DCLK2: variants seen among roughly 807,000 people sequenced by gnomAD.
DCLK2 encodes doublecortin like kinase 2.
DCLK2 carries 31 observed loss-of-function variants against 78.4 expected under a neutral mutation model. That is an observed-to-expected ratio of 0.40 (90% CI 0.30 to 0.53). The LOEUF is 0.53. Ranked by LOEUF, DCLK2 falls within the 20% of genes least tolerant of loss-of-function variation. The pLI is 0.61. For synonymous variants in DCLK2, 407 were observed against 374.9 expected, an observed-to-expected ratio of 1.09 and a Z score of -0.99; for missense variants, 872 against 973.7, an observed-to-expected ratio of 0.90 and a Z score of 1.39.
intron 7 of DCLK2, among the ~76,000 whole-genome samples, chr4:150,223,252 T>C (rs1741333782): frequency 1.3e-5 from 2 of 152,202 alleles, no homozygotes; most frequent in Admixed American, 1.3e-4. Context: ...GTTTTTGTTA[T>C]AGGGAGAACA....
chr4:150,119,876 T>C (rs773206965), intron 2 of DCLK2, among the ~76,000 whole-genome samples: 6 of 152,226 alleles, frequency 3.9e-5, no homozygotes, highest in Non-Finnish European at 7.3e-5. Context: ...TTTGCCTCTA[T>C]GCCAAAAGCC....
At position 150,078,836 on chromosome 4, in the gene DCLK2, A is replaced by T. The variant is rs905268779; in HGVS notation, c.-192A>T. 1.6e-6 allele frequency: 1 copy of T among 615,744 alleles called. No homozygotes were observed. Among genetic ancestry groups the T allele is most frequent in the Non-Finnish European group, 2.6e-6 (1 of 391,514 alleles). The allele number at this position is 615,744 out of a possible 1,614,324, so 38.1% of individuals were successfully genotyped here. ...ACCTGGGCAGCTCGGCGCTGCGGAC[A>T]CTTTTAGCTGAGGGCGCGGGCGGGT... On this transcript the variant is annotated 5_prime_UTR_variant, in exon 1 of 16. Coordinates refer to ENST00000296550, the MANE Select transcript of DCLK2 (RefSeq NM_001040260.4).
chr4:150,224,821 A>G (rs1449153957), intron 8 of DCLK2, among the ~76,000 whole-genome samples: 1 of 152,210 alleles, frequency 6.6e-6, no homozygotes, highest in African/African-American at 2.4e-5. Flanking sequence ...TTAACACCCA[A>G]CAATACTCAA....
At chr4:150,177,623 A>G (rs1234895044) in intron 2 of DCLK2, among the ~76,000 whole-genome samples, 1 of 152,260 alleles carries the variant, frequency 6.6e-6, no homozygotes, top group South Asian at 2.1e-4. Flanking sequence ...TGATAGAATT[A>G]TCTTTCAAAA....
chr4:150,175,174 T>C (rs9884876), intron 2 of DCLK2, among the ~76,000 whole-genome samples: 1 of 131,730 alleles, frequency 7.6e-6, no homozygotes, highest in Non-Finnish European at 1.6e-5. Flanking sequence ...TTATATATAT[T>C]TATATATATT....
At chr4:150,114,501 G>A (rs1731929790) in intron 2 of DCLK2, among the ~76,000 whole-genome samples, 1 of 152,154 alleles carries the variant, frequency 6.6e-6, no homozygotes, top group South Asian at 2.1e-4. Context: ...TAGGCCCTGT[G>A]AGTTTTATGC....
chr4:150,083,698 A>G (rs75044128), intron 1 of DCLK2, among the ~76,000 whole-genome samples: 5,923 of 152,316 alleles, frequency 0.039, 240 homozygotes, highest in Admixed American at 0.084. Flanking sequence ...ATTTGCACAT[A>G]GGAGTCGAAA....
intron 2 of DCLK2, among the ~76,000 whole-genome samples, chr4:150,121,579 G>A (rs2150182863): frequency 6.6e-6 from 1 of 152,296 alleles, no homozygotes. Context: ...TCATTCATCA[G>A]GGTTGGTATC....
intron 5 of DCLK2, among the ~76,000 whole-genome samples, chr4:150,216,213 C>G (rs1740707908): frequency 6.6e-6 from 1 of 152,216 alleles, no homozygotes; most frequent in Non-Finnish European, 1.5e-5. Context: ...ACATAACTCC[C>G]TGGCTAAAAA....
At chr4:150,219,258 CTTTTT>C (rs375592229) in intron 5 of DCLK2, among the ~76,000 whole-genome samples, 7 of 72,136 alleles carry the variant, frequency 9.7e-5, no homozygotes, top group African/African-American at 3.7e-4. Context: ...CACAAACATT[CTTTTT>C]TTTTTTTTTT....
chr4:150,232,479 T>C, intron 9 of DCLK2, 23 bp downstream of exon 9: 1 of 1,611,382 alleles, frequency 6.2e-7, no homozygotes, highest in Non-Finnish European at 8.5e-7. Flanking sequence ...AGAGATTTTC[T>C]TGGTGCCTAG....
At chr4:150,251,813 C>T (rs976327757) in intron 15 of DCLK2, among the ~76,000 whole-genome samples, 2 of 148,878 alleles carry the variant, frequency 1.3e-5, no homozygotes, top group African/African-American at 5.0e-5. Context: ...ATTGAGCGTC[C>T]ACCAGGTTCT....
At chr4:150,122,733 C>T (rs1331998380) in intron 2 of DCLK2, among the ~76,000 whole-genome samples, 2 of 152,168 alleles carry the variant, frequency 1.3e-5, no homozygotes, top group African/African-American at 4.8e-5. Context: ...GCACATGTAT[C>T]CCAGAGCTTA....
chr4:150,219,715 C>T (rs1463623436), intron 5 of DCLK2, among the ~76,000 whole-genome samples: 1 of 152,202 alleles, frequency 6.6e-6, no homozygotes, highest in African/African-American at 2.4e-5. Context: ...GAGTTGGGCA[C>T]TGTTACTACC....
chr4:150,104,594 T>TA (rs1169485378), intron 2 of DCLK2, among the ~76,000 whole-genome samples: 1 of 152,008 alleles, frequency 6.6e-6, no homozygotes, highest in African/African-American at 2.4e-5. Context: ...GAATAGGACT[T>TA]ATGCTGGTAT....
rs10561576 is a variant in DCLK2 at position 150,256,675 on chromosome 4, T to TTC, written c.*444_*445dup. On this transcript the variant is annotated 3_prime_UTR_variant, in exon 16 of 16. Coordinates refer to ENST00000296550, the MANE Select transcript of DCLK2 (RefSeq NM_001040260.4). Reference sequence around the variant, plus strand: ...CTCAGAACACTCCCTTTCTTTTCTTTTCTCTCTCTCTCTCTCTTTTTTTTT... The same window carrying TTC: ...CTCAGAACACTCCCTTTCTTTTCTTTTCTCTCTCTCTCTCTCTCTTTTTTTTT... 7 of 156,406 alleles carry TTC rather than the reference T, an allele frequency of 4.5e-5. No individual in the cohort carries two copies. Among genetic ancestry groups the TTC allele is most frequent in the African/African-American group, 9.6e-5 (4 of 41,458 alleles). The allele number at this position is 156,406 out of a possible 1,614,324, so 9.7% of individuals were successfully genotyped here.
intron 2 of DCLK2, among the ~76,000 whole-genome samples, chr4:150,188,338 GGTGCCGCATGCCTGTA>G (rs1738111609): frequency 6.6e-6 from 1 of 152,122 alleles, no homozygotes; most frequent in South Asian, 2.1e-4. Flanking sequence ...AACCAAGTGT[GGTGCCGCATGCCTGTA>G]GTCCCTGGAA....
At chr4:150,093,300 T>C (rs1175212373) in intron 1 of DCLK2, among the ~76,000 whole-genome samples, 1 of 152,224 alleles carries the variant, frequency 6.6e-6, no homozygotes, top group East Asian at 1.9e-4. Context: ...TGTTCATGAA[T>C]TGGAAGATTT....
chr4:150,086,843 G>T (rs1163860726), intron 1 of DCLK2, among the ~76,000 whole-genome samples: 5 of 152,112 alleles, frequency 3.3e-5, no homozygotes, highest in Non-Finnish European at 7.4e-5. Context: ...CTCGTTATGT[G>T]TTTAAATCCC....
Sources: gnomAD v4.1 joint callset for allele counts (sites outside exome capture counted in the v4.1 genomes callset) on GRCh38, gnomAD v4.1.1 for gene constraint, MANE v1.5 for transcripts, NCBI Gene and HGNC (gene_info 2026-07-23, HGNC 2026-07-21) for gene names.